CPLANE1: variants seen among roughly 807,000 people sequenced by gnomAD.
The protein encoded by CPLANE1 is ciliogenesis and planar polarity effector 1.
A neutral mutation model predicts 362.5 loss-of-function variants in CPLANE1; 263 were observed. The observed-to-expected ratio is 0.73, with a 90% CI of 0.66 to 0.80. The LOEUF is 0.80. Among genes scored for constraint, CPLANE1 ranks in the 30% least tolerant of loss-of-function variants. The pLI, the probability that CPLANE1 is intolerant of heterozygous loss-of-function variation, is 0.00. For missense variants in CPLANE1, 3,461 were observed against 3,793.4 expected, an observed-to-expected ratio of 0.91 and a Z score of 2.30; for synonymous variants, 1,212 against 1,302.6, an observed-to-expected ratio of 0.93 and a Z score of 1.50.
chr5:37,131,070 T>C (rs925971555), intron 46 of CPLANE1, among the ~76,000 whole-genome samples: 2 of 152,240 alleles, frequency 1.3e-5, no homozygotes, highest in African/African-American at 4.8e-5. Flanking sequence ...GAAGAAGTGA[T>C]GAGTACTTTG....
Position 37,122,474 on chromosome 5 carries a change from T to C in CPLANE1, c.8973A>G (p.Ser2991=). 2 of 1,612,460 alleles carry C rather than the reference T, an allele frequency of 1.2e-6. No homozygotes were observed. The highest frequency in any genetic ancestry group is 1.7e-6 in the Non-Finnish European group (2 of 1,179,500). The change falls in exon 48 of 53, where the codon TCA becomes TCG. Residue 2991 remains serine, a synonymous_variant. Transcript: ENST00000651892. Reference sequence around the variant, plus strand: ...TCTTTTGTCTCAGCCTTATTTCCCTTGAAGTCATGTAAAGCTGCATAAAAA... The same window carrying C: ...TCTTTTGTCTCAGCCTTATTTCCCTCGAAGTCATGTAAAGCTGCATAAAAA... ...CPRSNPLYMT[S]REIRLRQKMK... is the part of the protein sequence containing the mutation.
At chr5:37,127,890 A>G (rs762071160) in intron 46 of CPLANE1, among the ~76,000 whole-genome samples, 1 of 152,042 alleles carries the variant, frequency 6.6e-6, no homozygotes, top group Non-Finnish European at 1.5e-5. Context: ...AACTATAAAA[A>G]TTAGCTGGGT....
chr5:37,092,660 C>T, the CPLANE1 span, among the ~76,000 whole-genome samples: 10 of 152,234 alleles, frequency 6.6e-5, no homozygotes, highest in East Asian at 5.8e-4. Context: ...GCCAATGGGG[C>T]GATGCAATAT....
In CPLANE1 at chr5:37,209,865, A is replaced by G. The variant is rs939630770; in HGVS notation, c.2921-3440T>C. On this transcript the variant is annotated intron_variant, in intron 16 of 52. Transcript: ENST00000651892. This position sits in a 1 kb window ranked among gnomAD's most constrained non-coding sequence, Gnocchi z 4.6. Reference sequence around the variant, plus strand: ...GGAAACTCAGACAAGTTCGACATTTAGCAGAGATTCTCTGGCTGAGAAGCT... The same window carrying G: ...GGAAACTCAGACAAGTTCGACATTTGGCAGAGATTCTCTGGCTGAGAAGCT... The G allele has an allele frequency of 3.6e-6, 5 of 1,381,966 alleles. No homozygotes were observed. Among genetic ancestry groups the G allele is most frequent in the Admixed American group, 1.7e-5 (1 of 59,612 alleles). The allele number at this position is 1,381,966 out of a possible 1,614,324, so 85.6% of individuals were successfully genotyped here.
the CPLANE1 span, among the ~76,000 whole-genome samples, chr5:37,084,496 T>C: frequency 2.6e-5 from 4 of 152,096 alleles, no homozygotes; most frequent in Admixed American, 1.3e-4. Flanking sequence ...AGATACAGAA[T>C]GGGCCAGGTG....
Position 37,206,187 on chromosome 5 carries a change from A to G in CPLANE1, c.3149+10T>C. 1 of 1,533,340 alleles carries G rather than the reference A, an allele frequency of 6.5e-7. No individual in the cohort carries two copies. Among genetic ancestry groups the G allele is most frequent in the Non-Finnish European group, 8.8e-7 (1 of 1,130,392 alleles). The allele number at this position is 1,533,340 out of a possible 1,614,324, so 95.0% of individuals were successfully genotyped here. On this transcript the variant is annotated intron_variant, in intron 17 of 52. Coordinates refer to ENST00000651892, the MANE Select transcript of CPLANE1 (RefSeq NM_001384732.1). ...CATACTATATCTTAAAATTGCCTAA[A>G]AATCCATACCTCATGAAATTGCTAT...
intron 51 of CPLANE1, 25 bp from the exon 52 acceptor site, chr5:37,108,496 C>A (rs759705366): frequency 2.5e-6 from 4 of 1,588,402 alleles, no homozygotes; most frequent in Non-Finnish European, 2.6e-6. Flanking sequence ...GAACAAAGCA[C>A]ACATTGGGAT....
chr5:37,165,472 C>A, intron 36 of CPLANE1, 67 bp downstream of exon 36: 1 of 1,515,132 alleles, frequency 6.6e-7, no homozygotes, highest in Non-Finnish European at 9.1e-7. Flanking sequence ...ACTAGATAAA[C>A]CACAAAGACA....
In CPLANE1 at chr5:37,244,449, G is replaced by C; in HGVS notation, c.496C>G (p.Pro166Ala). ...SLAGRWSQVI[P>A]EEAVLLPSTE... is the part of the protein sequence containing the mutation. Reference sequence around the variant, plus strand: ...GAAGGCAAGAGAACTGCTTCTTCAGGTATGACCTGGGACCACCGACCCGCC... The same window carrying C: ...GAAGGCAAGAGAACTGCTTCTTCAGCTATGACCTGGGACCACCGACCCGCC... Residue 166 changes from proline to alanine, a missense_variant, in exon 5 of 53, where the codon CCT (proline) becomes GCT (alanine). Pro to Ala is a conservative substitution (Grantham distance 27). Transcript: ENST00000651892. 6.4e-7 allele frequency: 1 copy of C among 1,551,096 alleles called. No homozygotes were observed. Among genetic ancestry groups the C allele is most frequent in the Non-Finnish European group, 8.7e-7 (1 of 1,146,838 alleles).
At chr5:37,153,627 T>A (rs1774198295) in intron 42 of CPLANE1, 113 bp downstream of exon 42, 1 of 1,123,752 alleles carries the variant, frequency 8.9e-7, no homozygotes, top group South Asian at 1.6e-5. Context: ...AAACCCTAGC[T>A]TAAAGAAAAC....
At chr5:37,125,134 T>C in intron 47 of CPLANE1, 110 bp downstream of exon 47, 8 of 1,415,360 alleles carry the variant, frequency 5.7e-6, no homozygotes, top group Non-Finnish European at 7.6e-6. Flanking sequence ...CTTTTCTATA[T>C]GCCAAATTAC....
In CPLANE1 at chr5:37,242,368, C is replaced by A. The variant is rs989697081; in HGVS notation, c.677+645G>T. On this transcript the variant is annotated intron_variant, in intron 6 of 52. Coordinates refer to ENST00000651892, the MANE Select transcript of CPLANE1 (RefSeq NM_001384732.1). ...GACTCCATCTCAAAAAAAAAAAATGCATATTTTCTATTTTATTAGGCTTTT... is the reference window on the plus strand; with the variant it reads ...GACTCCATCTCAAAAAAAAAAAATGAATATTTTCTATTTTATTAGGCTTTT... 3.3e-5 allele frequency among the ~76,000 whole-genome samples: 5 copies of A among 151,988 alleles called. No individual in the cohort carries two copies. The South Asian group carries it at 6.2e-4, about 19-fold the overall frequency.
chr5:37,195,180 G>C lies in CPLANE1; in HGVS notation c.3811+678C>G, dbSNP rs1229338746. 3.3e-5 allele frequency among the ~76,000 whole-genome samples: 5 copies of C among 151,746 alleles called. No homozygotes were observed. In the East Asian group the frequency reaches 9.7e-4, roughly 29 times the overall value. The stretch of plus-strand genomic sequence containing the variant: ...AAAAAAAAAAAAAAAGATAAGATCA[G>C]GGCTTAATATAAATAGAACTGATAA... On this transcript the variant is annotated intron_variant, in intron 21 of 52. Transcript: ENST00000651892.
intron 4 of CPLANE1, 83 bp from the exon 5 acceptor site, chr5:37,244,690 A>AG: frequency 6.2e-5 from 51 of 818,798 alleles, no homozygotes; most frequent in African/African-American, 4.8e-4. Context: ...TATTCTTACA[A>AG]TAAAAAAAAA....
rs376151176 is a variant in CPLANE1 at position 37,225,132 on chromosome 5, C to T, written c.2292-392G>A. Among the ~76,000 whole-genome samples, 69 of 151,762 alleles carry T rather than the reference C, an allele frequency of 4.5e-4. 1 individual carries two copies. The South Asian group carries it at 0.014, about 31-fold the overall frequency. On this transcript the variant is annotated intron_variant, in intron 12 of 52. Transcript: ENST00000651892. ...GTTGCCAGGCTGAATTGCAGTGGCT[C>T]CATCACAGCTTACTGTAGCCTCAAC... is the stretch of plus-strand genomic sequence containing the variant.
chr5:37,185,341 GA>G (rs199754862), intron 24 of CPLANE1, among the ~76,000 whole-genome samples: 4 of 145,302 alleles, frequency 2.8e-5, no homozygotes, highest in Non-Finnish European at 6.1e-5. Context: ...GTATGCCCTG[GA>G]AAAAAAAAAC....
intron 37 of CPLANE1, 56 bp from the exon 38 acceptor site, chr5:37,162,622 A>G: frequency 8.2e-7 from 1 of 1,213,500 alleles, no homozygotes; most frequent in South Asian, 1.2e-5. Context: ...GATTACCAGG[A>G]GCCCAGCAGC....
At chr5:37,096,508 T>C in the CPLANE1 span, among the ~76,000 whole-genome samples, 1 of 152,180 alleles carries the variant, frequency 6.6e-6, no homozygotes, top group Non-Finnish European at 1.5e-5. Context: ...AAGGATTTCA[T>C]GACCAAGAAC....
At chr5:37,146,183 CT>C (rs142641586) in intron 43 of CPLANE1, among the ~76,000 whole-genome samples, 86 of 146,414 alleles carry the variant, frequency 5.9e-4, no homozygotes, top group South Asian at 8.7e-4. Context: ...AATTAAAAAG[CT>C]TTTTTTTTTT....
Sources: gnomAD v4.1 joint callset for allele counts (sites outside exome capture counted in the v4.1 genomes callset) on GRCh38, gnomAD v4.1.1 for gene constraint, Gnocchi (gnomAD v3.1) non-coding constraint, MANE v1.5 for transcripts, NCBI Gene and HGNC (gene_info 2026-07-23, HGNC 2026-07-21) for gene names.